Variants in NRIP1 observed in about 807,000 individuals in gnomAD.
NRIP1 encodes nuclear receptor-interacting protein 1.
In NRIP1, 28 loss-of-function variants were observed where a neutral mutation model predicts 75.0. The observed-to-expected ratio is 0.37, with a 90% CI of 0.28 to 0.51. The LOEUF is 0.51. Ranked by LOEUF, NRIP1 falls within the 20% of genes least tolerant of loss-of-function variation. The pLI, the probability that NRIP1 is intolerant of heterozygous loss-of-function variation, is 0.92. For synonymous variants in NRIP1, 526 were observed against 487.6 expected (o/e 1.08, Z -1.04); for missense variants, 1,435 against 1,343.7 (o/e 1.07, Z -1.06).
intron 3 of NRIP1, among the ~76,000 whole-genome samples, chr21:14,977,814 G>C (rs1404670814): frequency 6.6e-6 from 1 of 152,084 alleles, no homozygotes; most frequent in Admixed American, 6.5e-5. Context: ...TAGATGTGTG[G>C]TCATACAATT....
At chr21:14,996,538 T>C (rs115885650) in intron 3 of NRIP1, among the ~76,000 whole-genome samples, 1,896 of 152,306 alleles carry the variant, frequency 0.012, 32 homozygotes, top group African/African-American at 0.042. Flanking sequence ...TTTTATTCCC[T>C]AGCAGAGCAC....
intron 3 of NRIP1, among the ~76,000 whole-genome samples, chr21:14,998,705 C>T (rs996188693): frequency 4.6e-5 from 7 of 152,196 alleles, no homozygotes; most frequent in Admixed American, 4.6e-4. Context: ...TGATCTACTT[C>T]CACTTAGCAA....
intron 3 of NRIP1, among the ~76,000 whole-genome samples, chr21:15,007,182 T>C (rs957698829): frequency 1.3e-5 from 2 of 152,148 alleles, no homozygotes; most frequent in Non-Finnish European, 1.5e-5. Flanking sequence ...CAAGCAATGG[T>C]ATTATTAAAA....
chr21:15,046,873 C>T (rs2089090735), intron 1 of NRIP1, among the ~76,000 whole-genome samples: 1 of 152,184 alleles, frequency 6.6e-6, no homozygotes, highest in Middle Eastern at 3.2e-3. Flanking sequence ...CAAACCTCTG[C>T]TAGCTTCCAA....
rs2086769377 is a variant in NRIP1, at chr21:14,967,032, C to T, written c.1161G>A (p.Gln387=). 1.9e-6 allele frequency: 3 copies of T among 1,614,052 alleles called. No individual in the cohort carries two copies. Among genetic ancestry groups the T allele is most frequent in the Non-Finnish European group, 2.5e-6 (3 of 1,180,034 alleles). The part of the protein sequence containing the change: ...NSLLLHLLKS[Q]TIPKPMNGHS... ...GTCCATTCATTGGCTTAGGTATAGT[C>T]TGGCTTTTAAGAAGATGTAAAAGCA... is the stretch of plus-strand genomic sequence containing the variant. The change falls in exon 4 of 4, where the codon CAG becomes CAA. Residue 387 remains glutamine (Q), a synonymous_variant. Coordinates refer to ENST00000318948, the MANE Select transcript of NRIP1 (RefSeq NM_003489.4).
rs189496051 is a variant in NRIP1, at chr21:15,041,914, A to G, written c.-458+1581T>C. 3.3e-5 allele frequency among the ~76,000 whole-genome samples: 5 copies of G among 152,284 alleles called. No homozygotes were observed. In the South Asian group the frequency reaches 6.2e-4, roughly 19 times the overall value. On this transcript the variant is annotated intron_variant, in intron 2 of 3. Transcript: ENST00000318948. ...TGGGTTCATTTACAAGTTCTTTCAC[A>G]GACCTAATTTGCTTATTTACATTTC...
intron 1 of NRIP1, 90 bp downstream of exon 1, chr21:15,064,655 G>C (rs2147454218): frequency 6.6e-6 from 1 of 151,132 alleles, no homozygotes; most frequent in South Asian, 2.0e-4. Context: ...TGCCAGCCAA[G>C]CGAGAGCCGA....
At chr21:15,017,951 T>G (rs2088275646) in intron 2 of NRIP1, among the ~76,000 whole-genome samples, 1 of 152,166 alleles carries the variant, frequency 6.6e-6, no homozygotes, top group Non-Finnish European at 1.5e-5. Flanking sequence ...AAAGAATATT[T>G]AAATAAAACC....
At chr21:15,056,507 AT>A (rs200156354) in intron 1 of NRIP1, among the ~76,000 whole-genome samples, 14 of 151,524 alleles carry the variant, frequency 9.2e-5, no homozygotes, top group East Asian at 3.9e-4. Context: ...ATTTTAATTC[AT>A]TTTTTTTTAA....
chr21:14,970,357 C>T (rs2086868777), intron 3 of NRIP1, among the ~76,000 whole-genome samples: 1 of 152,056 alleles, frequency 6.6e-6, no homozygotes, highest in African/African-American at 2.4e-5. Flanking sequence ...ACCAACCTGA[C>T]CAAAATGGTG....
rs566675412 is a variant in NRIP1 at position 14,968,917 on chromosome 21, T to C, written c.-334-391A>G. 3.3e-5 allele frequency among the ~76,000 whole-genome samples: 5 copies of C among 152,260 alleles called. No individual in the cohort carries two copies. In the South Asian group the frequency reaches 1.0e-3, roughly 32 times the overall value. ...GGGAACTAGAACTTGCTTCCTTACA[T>C]TACTGGGCACTTAGGAAGAAACAAA... On this transcript the variant is annotated intron_variant, in intron 3 of 3. Transcript: ENST00000318948.
chr21:15,014,461 G>A lies in NRIP1; in HGVS notation c.-452C>T, dbSNP rs889679362. ...ATTCCCTGTCCTCCTTCAGTCAAGT[G>A]TGCATCTTAACAAGAGGGAAAAGAT... On this transcript the variant is annotated 5_prime_UTR_variant, in exon 3 of 4. Coordinates refer to ENST00000318948, the MANE Select transcript of NRIP1 (RefSeq NM_003489.4). 11 of 398,264 alleles carry A rather than the reference G, an allele frequency of 2.8e-5. No individual in the cohort carries two copies. Among genetic ancestry groups the A allele is most frequent in the East Asian group, 2.5e-4 (7 of 28,050 alleles). The allele number at this position is 398,264 out of a possible 1,614,324, so 24.7% of individuals were successfully genotyped here. A position where few individuals can be genotyped will look rare whatever the true frequency, so the allele number is the denominator to read the frequency against.
intron 1 of NRIP1, among the ~76,000 whole-genome samples, chr21:15,057,169 TA>T (rs34452031): frequency 8.2e-4 from 123 of 150,492 alleles, no homozygotes; most frequent in African/African-American, 2.7e-3. Flanking sequence ...ATAGGGTAAT[TA>T]AAAAAAAAAT....
intron 1 of NRIP1, among the ~76,000 whole-genome samples, chr21:15,053,740 T>C (rs2089249938): frequency 1.3e-5 from 2 of 152,298 alleles, no homozygotes; most frequent in South Asian, 4.1e-4. Flanking sequence ...ATTAGCTTGT[T>C]CCTTTTTGCT....
rs1302744322 is a variant in NRIP1 at position 14,967,633 on chromosome 21, G to A, written c.560C>T (p.Thr187Ile). The change falls in exon 4 of 4, where the codon ACT (threonine) becomes ATT (isoleucine). Residue 187 changes from threonine to isoleucine, a missense_variant. Coordinates refer to ENST00000318948, the MANE Select transcript of NRIP1 (RefSeq NM_003489.4). ...CYGVASSHLK[T>I]LLKKSKVKDQ... is the part of the protein sequence containing the mutation. Reference sequence around the variant, plus strand: ...TTTAACTTTACTTTTCTTCAACAAAGTTTTTAAGTGACTTGATGCAACACC... The same window carrying A: ...TTTAACTTTACTTTTCTTCAACAAAATTTTTAAGTGACTTGATGCAACACC... The A allele has an allele frequency of 6.2e-7, 1 of 1,613,772 alleles. No individual in the cohort carries two copies. Among genetic ancestry groups the A allele is most frequent in the Admixed American group, 1.7e-5 (1 of 59,920 alleles).
chr21:15,045,873 T>C (rs2089062343), intron 1 of NRIP1, among the ~76,000 whole-genome samples: 1 of 152,250 alleles, frequency 6.6e-6, no homozygotes, highest in African/African-American at 2.4e-5. Context: ...ACTACTTTCT[T>C]TGCTCATCTA....
intron 3 of NRIP1, among the ~76,000 whole-genome samples, chr21:15,004,036 C>T (rs1316265316): frequency 6.6e-6 from 1 of 152,148 alleles, no homozygotes; most frequent in African/African-American, 2.4e-5. Flanking sequence ...CTTTAAAATA[C>T]CCATACCTAA....
chr21:15,050,964 C>T (rs926571840), intron 1 of NRIP1: 1 of 451,310 alleles, frequency 2.2e-6, no homozygotes, highest in Admixed American at 2.4e-5. Context: ...TTATTACACA[C>T]CTATAGCTTA....
At position 15,004,593 on chromosome 21, in the gene NRIP1, G is replaced by A. The variant is rs2087921488; in HGVS notation, c.-335+9751C>T. 2.0e-5 allele frequency among the ~76,000 whole-genome samples: 3 copies of A among 152,246 alleles called. No homozygotes were observed. In the South Asian group the frequency reaches 6.2e-4, roughly 31 times the overall value. On this transcript the variant is annotated intron_variant, in intron 3 of 3. Coordinates refer to ENST00000318948, the MANE Select transcript of NRIP1 (RefSeq NM_003489.4). The stretch of plus-strand genomic sequence containing the variant: ...AACATGGGGAAACAAGCCCCACCAA[G>A]GGGAGCAGATCCAATATGGCTACCG...
Sources: gnomAD v4.1 joint callset for allele counts (sites outside exome capture counted in the v4.1 genomes callset) on GRCh38, gnomAD v4.1.1 for gene constraint, MANE v1.5 for transcripts, NCBI Gene and HGNC (gene_info 2026-07-23, HGNC 2026-07-21) for gene names.